Variants in MRGPRF observed in about 807,000 individuals in gnomAD.
MRGPRF encodes MAS related GPR family member F, also known as mas-related G protein-coupled receptor member F.
MRGPRF carries 2 observed loss-of-function variants against 3.3 expected under a neutral mutation model. The ratio of observed to expected loss-of-function variants is 0.61; its 90% CI spans 0.25 to 1.92. The LOEUF (loss-of-function observed/expected upper bound fraction) is 1.92. Ranked by LOEUF, MRGPRF falls within the 40% of genes most tolerant of loss-of-function variation. The pLI is 0.16. For synonymous variants in MRGPRF, 242 were observed against 222.7 expected (o/e 1.09, Z -0.77); for missense variants, 500 against 476.0 (o/e 1.05, Z -0.47).
chr11:69,009,812 C>A (rs1041461611), intron 2 of MRGPRF, 42 bp downstream of exon 2: 2 of 1,590,388 alleles, frequency 1.3e-6, no homozygotes, highest in Non-Finnish European at 1.7e-6. Context: ...CCCACCCACA[C>A]CCGTCTGGGC....
chr11:69,010,345 C>T (rs559248128), intron 1 of MRGPRF, among the ~76,000 whole-genome samples: 3 of 152,360 alleles, frequency 2.0e-5, no homozygotes, highest in East Asian at 1.9e-4. Context: ...TCCCAGCAAT[C>T]GGTCCCAGAA....
chr11:69,011,192 C>T (rs1207772520), intron 1 of MRGPRF, among the ~76,000 whole-genome samples: 2 of 152,168 alleles, frequency 1.3e-5, no homozygotes, highest in Non-Finnish European at 2.9e-5. Context: ...CTCCTGGCCT[C>T]CGCGCCCACC....
intron 1 of MRGPRF, among the ~76,000 whole-genome samples, chr11:69,010,908 G>A (rs1268868801): frequency 6.6e-6 from 1 of 152,116 alleles, no homozygotes; most frequent in Non-Finnish European, 1.5e-5. Flanking sequence ...TTCTCCCCGT[G>A]AAGCCCTGTG....
chr11:69,010,123 G>A (rs1860566085), intron 1 of MRGPRF, among the ~76,000 whole-genome samples, 166 bp from the exon 2 acceptor site: 1 of 152,246 alleles, frequency 6.6e-6, no homozygotes, highest in South Asian at 2.1e-4. Context: ...CTGTCCTGGT[G>A]AGATTCTGGA....
In MRGPRF at chr11:69,005,277, C is replaced by T. The variant is rs546463509; in HGVS notation, c.*1G>A. The T allele has an allele frequency of 3.5e-5, 52 of 1,488,546 alleles. 1 individual carries two copies. In the South Asian group the frequency reaches 6.4e-4, roughly 18 times the overall value. The allele number at this position is 1,488,546 out of a possible 1,614,324, so 92.2% of individuals were successfully genotyped here. A position where few individuals can be genotyped will look rare whatever the true frequency, so the allele number is the denominator to read the frequency against. The stretch of plus-strand genomic sequence containing the variant: ...CCCTGCCTCCTCCAGGCGCTGGAGT[C>T]TCAGGAGGCGTTCCCCGGGGGACAC... On this transcript the variant is annotated 3_prime_UTR_variant, in exon 3 of 3. Transcript: ENST00000309099.
intron 1 of MRGPRF, among the ~76,000 whole-genome samples, chr11:69,011,295 G>C (rs969495047): frequency 6.6e-6 from 1 of 152,182 alleles, no homozygotes; most frequent in African/African-American, 2.4e-5. Context: ...TGGCCCCAGG[G>C]GCCGCTCCCA....
chr11:69,011,776 A>G (rs1406419444), intron 1 of MRGPRF, among the ~76,000 whole-genome samples: 5 of 151,984 alleles, frequency 3.3e-5, no homozygotes, highest in Non-Finnish European at 5.9e-5. Context: ...CCTTGTTTCC[A>G]GAGATGTCCT....
chr11:69,008,895 G>A (rs1860538412), intron 2 of MRGPRF, among the ~76,000 whole-genome samples: 1 of 152,212 alleles, frequency 6.6e-6, no homozygotes, highest in Non-Finnish European at 1.5e-5. Context: ...TCCCCTCCTT[G>A]GAGTCAGAGG....
chr11:69,005,964 G>A lies in MRGPRF; in HGVS notation c.346C>T (p.Arg116Cys). 1 of 1,566,310 alleles carries A rather than the reference G, an allele frequency of 6.4e-7. No individual in the cohort carries two copies. Among genetic ancestry groups the A allele is most frequent in the Non-Finnish European group, 8.7e-7 (1 of 1,155,668 alleles). The change falls in exon 3 of 3, where the codon CGC becomes TGC. Residue 116 changes from arginine to cysteine, a missense_variant. Coordinates refer to ENST00000309099, the MANE Select transcript of MRGPRF (RefSeq NM_145015.5). Reference sequence around the variant, plus strand: ...AGCCCCAGGACCCGGCACACGCTGCGGATGTAGTCGGCAAACGTGCCCAGG... The same window carrying A: ...AGCCCCAGGACCCGGCACACGCTGCAGATGTAGTCGGCAAACGTGCCCAGG... ...GFLGTFADYI[R>C]SVCRVLGLCM...
chr11:69,007,695 G>C (rs1276078770), intron 2 of MRGPRF, among the ~76,000 whole-genome samples: 1 of 152,054 alleles, frequency 6.6e-6, no homozygotes, highest in African/African-American at 2.4e-5. Context: ...AAAATCACTT[G>C]TAAGTTACAT....
At chr11:69,013,471 C>T (rs1343485623), upstream of MRGPRF, 1 of 152,414 alleles carries the variant, frequency 6.6e-6, no homozygotes, top group Admixed American at 6.5e-5. Flanking sequence ...TGTTCATCTC[C>T]CTCACATTCT....
At chr11:69,013,565 G>A (rs768694157), upstream of MRGPRF, among the ~76,000 whole-genome samples, 3 of 152,230 alleles carry the variant, frequency 2.0e-5, no homozygotes, top group Admixed American at 1.3e-4. Context: ...TGGGCATTTC[G>A]GGGCAGGCTG....
intron 1 of MRGPRF, among the ~76,000 whole-genome samples, chr11:69,011,231 G>A (rs367836599): frequency 1.3e-5 from 2 of 152,180 alleles, no homozygotes; most frequent in Admixed American, 6.5e-5. Context: ...CCGTCTGCGC[G>A]TGTGGCCCGC....
At chr11:69,010,085 C>A in intron 1 of MRGPRF, 128 bp from the exon 2 acceptor site, 1 of 621,890 alleles carries the variant, frequency 1.6e-6, no homozygotes, top group East Asian at 2.8e-5. Flanking sequence ...AATCACCCCA[C>A]ACCCTCAGCA....
In MRGPRF at chr11:69,005,160, G is replaced by A. The variant is rs1015170681; in HGVS notation, c.*118C>T. On this transcript the variant is annotated 3_prime_UTR_variant, in exon 3 of 3. Transcript: ENST00000309099. ...CAGCCCAGGGAGAAGGAGGCCCGAGGAGAGGAAACAGATCTTTCTTCTCCT... is the reference window on the plus strand; with the variant it reads ...CAGCCCAGGGAGAAGGAGGCCCGAGAAGAGGAAACAGATCTTTCTTCTCCT... 72 of 1,302,340 alleles carry A rather than the reference G, an allele frequency of 5.5e-5. No homozygotes were observed. The highest frequency in any genetic ancestry group is 7.2e-5 in the Non-Finnish European group (71 of 983,056). 80.7% of individuals were successfully genotyped at this position (1,302,340 alleles called of 1,614,324 possible).
At chr11:69,011,150 C>A (rs1362311748) in intron 1 of MRGPRF, among the ~76,000 whole-genome samples, 1 of 152,106 alleles carries the variant, frequency 6.6e-6, no homozygotes, top group Non-Finnish European at 1.5e-5. Context: ...CCCCGCCCGC[C>A]GCGCACTCCT....
intron 1 of MRGPRF, among the ~76,000 whole-genome samples, chr11:69,010,533 C>T (rs560364721): frequency 5.3e-5 from 8 of 152,298 alleles, no homozygotes; most frequent in East Asian, 1.9e-4. Flanking sequence ...CCTGCCAGCC[C>T]GCCTACACCC....
intron 1 of MRGPRF, chr11:69,012,314 ACGCCG>A (rs1316217888): frequency 6.6e-6 from 1 of 151,814 alleles, no homozygotes; most frequent in Non-Finnish European, 1.5e-5. Context: ...CCCAGCCCCG[ACGCCG>A]CTGGGGCTGT....
chr11:69,008,940 C>A (rs1057125387), intron 2 of MRGPRF, among the ~76,000 whole-genome samples: 4 of 152,214 alleles, frequency 2.6e-5, no homozygotes, highest in Non-Finnish European at 4.4e-5. Context: ...GTGTAGCTGC[C>A]GTGACCAGCC....
Sources: allele counts gnomAD v4.1 joint callset (sites outside exome capture counted in the v4.1 genomes callset), GRCh38; gene constraint gnomAD v4.1.1; transcripts MANE v1.5; gene names NCBI Gene and HGNC (gene_info 2026-07-23, HGNC 2026-07-21).